Variants in TMEM255A observed in about 807,000 individuals in gnomAD.
TMEM255A encodes the protein family with sequence similarity 70, member A.
A neutral mutation model predicts 23.5 loss-of-function variants in TMEM255A; 14 were observed. The observed-to-expected ratio is 0.60, with a 90% CI of 0.39 to 0.93. TMEM255A has a LOEUF of 0.93. TMEM255A is among the 40% of genes least tolerant of loss of function. The probability of loss-of-function intolerance (pLI) is 0.00; values close to 1 mark genes in which losing one functional copy is unlikely to be tolerated. For missense variants in TMEM255A, 233 were observed against 261.7 expected (o/e 0.89, Z 0.76); for synonymous variants, 104 against 100.3 (o/e 1.04, Z -0.22).
the TMEM255A span, chrX:120,253,354 T>C: frequency 1.0e-6 from 1 of 1,001,144 alleles, no homozygotes; most frequent in South Asian, 2.5e-5. Context: ...AAATTCTAAA[T>C]AAGTACTTTT....
chrX:120,305,681 G>A (rs1377122932), intron 1 of TMEM255A, among the ~76,000 whole-genome samples: 1 of 109,053 alleles, frequency 9.2e-6, no homozygotes, highest in Non-Finnish European at 1.9e-5. Context: ...AGGGGAGAGG[G>A]GATAGAGGGA....
chrX:120,257,455 GCAGATTCTACAAGTCTATTATGACAAAC>G (rs1233240886), downstream of TMEM255A: 4 of 122,772 alleles, frequency 3.3e-5, no homozygotes, highest in Admixed American at 9.5e-5. Flanking sequence ...ATAAAACTTG[GCAGATTCTACAAGTCTATTATGACAAAC>G]CAGGAACTAA....
chrX:120,301,011 C>T (rs1380151114), intron 2 of TMEM255A, among the ~76,000 whole-genome samples: 4 of 111,170 alleles, frequency 3.6e-5, no homozygotes, highest in Admixed American at 2.9e-4. Flanking sequence ...CATGTGCCAC[C>T]GTGCCCAGCC....
At chrX:120,274,241 G>A (rs1398828913) in intron 7 of TMEM255A, among the ~76,000 whole-genome samples, 1 of 111,723 alleles carries the variant, frequency 9.0e-6, no homozygotes, top group Non-Finnish European at 1.9e-5. Context: ...AGCAGATTAG[G>A]GGTTGCTGGG....
At chrX:120,254,251 A>G (rs782730411), downstream of TMEM255A, 39 of 1,210,320 alleles carry the variant, frequency 3.2e-5, no homozygotes, top group South Asian at 6.5e-4. Flanking sequence ...CTGACTCCCA[A>G]TATTATTTTG....
At chrX:120,286,082 T>A in intron 5 of TMEM255A, 1 of 333,052 alleles carries the variant, frequency 3.0e-6, no homozygotes, top group Non-Finnish European at 5.0e-6. Flanking sequence ...TCCTCCTATC[T>A]AACCTGAGAA....
intron 1 of TMEM255A, among the ~76,000 whole-genome samples, chrX:120,308,166 A>T (rs1051007859): frequency 1.8e-5 from 2 of 112,046 alleles, no homozygotes; most frequent in Non-Finnish European, 3.8e-5. Flanking sequence ...CTCAATAAGT[A>T]TATTAATTGT....
chrX:120,292,175 A>C (rs1433159204), intron 3 of TMEM255A, among the ~76,000 whole-genome samples: 6 of 111,157 alleles, frequency 5.4e-5, no homozygotes, highest in African/African-American at 2.0e-4. Context: ...AAGTAAGACA[A>C]ATGTTTGCTA....
intron 8 of TMEM255A, among the ~76,000 whole-genome samples, chrX:120,261,493 C>T (rs1556016671): frequency 8.9e-6 from 1 of 111,939 alleles, no homozygotes; most frequent in Non-Finnish European, 1.9e-5. Context: ...AGAGGTAGTA[C>T]AGTGGTCAGG....
chrX:120,278,191 A>G (rs2057813667), intron 6 of TMEM255A, among the ~76,000 whole-genome samples: 1 of 91,041 alleles, frequency 1.1e-5, no homozygotes, highest in African/African-American at 4.2e-5. Context: ...AGGAAAGGTC[A>G]CTGTGAGCAC....
At chrX:120,304,273 T>G (rs1339034762) in intron 2 of TMEM255A, 76 bp downstream of exon 2, 1 of 1,033,219 alleles carries the variant, frequency 9.7e-7, no homozygotes, top group African/African-American at 1.9e-5. Flanking sequence ...CAAACAGAAT[T>G]GAAAACTATC....
At chrX:120,270,563 G>A (rs1182430495) in intron 7 of TMEM255A, among the ~76,000 whole-genome samples, 1 of 111,546 alleles carries the variant, frequency 9.0e-6, no homozygotes, top group African/African-American at 3.3e-5. Flanking sequence ...AGGAGAAAAT[G>A]GAAAGATATA....
At chrX:120,308,160 A>G (rs1175975585) in intron 1 of TMEM255A, among the ~76,000 whole-genome samples, 1 of 111,653 alleles carries the variant, frequency 9.0e-6, no homozygotes, top group East Asian at 2.8e-4. Context: ...ACCTTACTCA[A>G]TAAGTATATT....
chrX:120,276,568 G>C (rs2057799936), intron 7 of TMEM255A, among the ~76,000 whole-genome samples: 1 of 111,757 alleles, frequency 8.9e-6, no homozygotes, highest in Non-Finnish European at 1.9e-5. Flanking sequence ...TAAAAGTGTG[G>C]GGTGGGGCTA....
Position 120,261,038 on chromosome X carries a change from A to G in TMEM255A, c.820-10T>C. On this transcript the variant is annotated splice_polypyrimidine_tract_variant and intron_variant, in intron 8 of 8. Transcript: ENST00000371369. Reference sequence around the variant, plus strand: ...GAAAGACACCGGAATGCTGTGTGATAAAAAGAAAACGTTAGTTTAGGCAGT... The same window carrying G: ...GAAAGACACCGGAATGCTGTGTGATGAAAAGAAAACGTTAGTTTAGGCAGT... The G allele has an allele frequency of 8.4e-7, 1 of 1,186,357 alleles. No individual in the cohort carries two copies. Among genetic ancestry groups the G allele is most frequent in the South Asian group, 1.9e-5 (1 of 53,035 alleles).
At position 120,291,300 on chromosome X, in the gene TMEM255A, G is replaced by T. The variant is rs1556022900; in HGVS notation, c.305C>A (p.Ala102Glu). Residue 102 changes from alanine (A) to glutamate (E), a missense_variant, in exon 4 of 9, where the codon GCG (alanine) becomes GAG (glutamate). By Grantham distance (107) the Ala-to-Glu change is moderately radical. Transcript: ENST00000371369. ...GTCAACTATGGCACAACAAAAAGCC[G>T]CAATCACACCAAAGCTGATAAACAC... ...SIVFISFGVI[A>E]AFCCAIVDGV... The T allele has an allele frequency of 8.3e-7, 1 of 1,209,295 alleles. No individual in the cohort carries two copies. The highest frequency in any genetic ancestry group is 1.1e-6 in the Non-Finnish European group (1 of 894,100).
rs782524912 is a variant in TMEM255A, at chrX:120,285,141, G to A, written c.498C>T (p.Leu166=). ...IRGNTCFCCD[L]YNCGNRVEIT... ...TCAACACTTACTTGCCACAGTTGTA[G>A]AGGTCACAGCAGAAGCAGGTGTTGC... The change falls in exon 6 of 9, where the codon CTC becomes CTT. Residue 166 remains leucine, a synonymous_variant. Coordinates refer to ENST00000371369, the MANE Select transcript of TMEM255A (RefSeq NM_001104544.3). The A allele has an allele frequency of 8.3e-7, 1 of 1,210,771 alleles. No homozygotes were observed.
At chrX:120,282,257 G>A (rs1181507654) in intron 6 of TMEM255A, among the ~76,000 whole-genome samples, 1 of 111,554 alleles carries the variant, frequency 9.0e-6, no homozygotes, top group East Asian at 2.8e-4. Flanking sequence ...TTCAGTCTCA[G>A]CCTGGGTTTA....
At chrX:120,277,070 C>T in intron 6 of TMEM255A, 23 bp from the exon 7 acceptor site, 1 of 1,192,133 alleles carries the variant, frequency 8.4e-7, no homozygotes, top group Non-Finnish European at 1.1e-6. Flanking sequence ...GAGCATGCTC[C>T]AGTCAGTCCC....
Sources: allele counts gnomAD v4.1 joint callset (sites outside exome capture counted in the v4.1 genomes callset), GRCh38; gene constraint gnomAD v4.1.1; transcripts MANE v1.5; gene names NCBI Gene and HGNC (gene_info 2026-07-23, HGNC 2026-07-21).